The following GCN1 variants were observed in gnomAD, a reference collection of about 807,000 sequenced individuals.
GCN1 encodes the protein stalled ribosome sensor GCN1.
In GCN1, 90 loss-of-function variants were observed where a neutral mutation model predicts 288.4. The observed-to-expected ratio is 0.31, with a 90% CI of 0.26 to 0.37. The LOEUF is 0.37. Ranked by LOEUF, GCN1 falls within the 10% of genes least tolerant of loss-of-function variation. GCN1 has a pLI of 1.00. For missense variants in GCN1, 2,586 were observed against 3,419.9 expected, an observed-to-expected ratio of 0.76 and a Z score of 6.08; for synonymous variants, 1,386 against 1,420.2, an observed-to-expected ratio of 0.98 and a Z score of 0.54.
At chr12:120,140,820 T>G in intron 45 of GCN1, 39 bp downstream of exon 45, 1 of 1,594,150 alleles carries the variant, frequency 6.3e-7, no homozygotes, top group South Asian at 1.1e-5. Flanking sequence ...TCAGGTCGTC[T>G]GCAGTGCACA....
chr12:120,175,541 C>T (rs541043708), intron 11 of GCN1, among the ~76,000 whole-genome samples: 2 of 152,234 alleles, frequency 1.3e-5, no homozygotes, highest in African/African-American at 2.4e-5. Flanking sequence ...ATCTTAAAAA[C>T]AAAAAACCTG....
intron 16 of GCN1, among the ~76,000 whole-genome samples, chr12:120,165,388 T>C (rs1364926449): frequency 6.6e-6 from 1 of 152,158 alleles, no homozygotes; most frequent in African/African-American, 2.4e-5. Context: ...CAGGTTGGAC[T>C]TGAACTCCTG....
chr12:120,159,350 T>C (rs562093575), intron 24 of GCN1, among the ~76,000 whole-genome samples: 3 of 152,304 alleles, frequency 2.0e-5, no homozygotes, highest in Admixed American at 2.0e-4. Context: ...GATAGAAGTC[T>C]GCTGAAGGCC....
chr12:120,143,755 A>G (rs1243698491), intron 42 of GCN1, among the ~76,000 whole-genome samples: 1 of 152,222 alleles, frequency 6.6e-6, no homozygotes, highest in African/African-American at 2.4e-5. Context: ...TAAAATTTTT[A>G]GATTAAAGAG....
At position 120,164,788 on chromosome 12, in the gene GCN1, C is replaced by A. The variant is rs575320810; in HGVS notation, c.1613-67G>T. The A allele has an allele frequency of 8.2e-5, 78 of 945,586 alleles. 2 individuals carry two copies. In the South Asian group the frequency reaches 1.1e-3, roughly 14 times the overall value. The allele number at this position is 945,586 out of a possible 1,614,324, so 58.6% of individuals were successfully genotyped here. A position where few individuals can be genotyped will look rare whatever the true frequency, so the allele number is the denominator to read the frequency against. ...TAAGTGTACACATACATACCAATAC[C>A]CAGAAATAACTGGAATGAACTGAAA... On this transcript the variant is annotated intron_variant, in intron 16 of 57. Transcript: ENST00000300648.
At position 120,174,071 on chromosome 12, in the gene GCN1, C is replaced by A; in HGVS notation, c.1192G>T (p.Val398Phe). Residue 398 changes from valine (V) to phenylalanine (F), a missense_variant and splice_region_variant, in exon 13 of 58, where the codon GTT (valine) becomes TTT (phenylalanine). Val to Phe is a conservative substitution (Grantham distance 50). Around this residue, in one of 8 missense-constraint regions of GCN1, gnomAD observed 913 missense variants for 1,107.0 expected, o/e 0.82. Transcript: ENST00000300648. ...ELFIPFLQQE[V>F]HEGTLVHAVS... Reference sequence around the variant, plus strand: ...TGCTCACCATGTTGCACAGAATTACCTTCCTGCTGAAGGAACGGGATGAAC... The same window carrying A: ...TGCTCACCATGTTGCACAGAATTACATTCCTGCTGAAGGAACGGGATGAAC... The A allele has an allele frequency of 6.4e-7, 1 of 1,566,318 alleles. No individual in the cohort carries two copies. Among genetic ancestry groups the A allele is most frequent in the Non-Finnish European group, 8.8e-7 (1 of 1,136,410 alleles).
rs779522184 is a variant in GCN1 at position 120,173,809 on chromosome 12, C to T, written c.1210G>A (p.Val404Ile). The change falls in exon 14 of 58, where the codon GTA (valine) becomes ATA (isoleucine). Residue 404 changes from valine (V) to isoleucine (I), a missense_variant. Transcript: ENST00000300648. ...AGAGCCAGGACTGAGACAGCGTGTA[C>T]CAAGGTCCCTTCATGAACTAGGGCA... is the stretch of plus-strand genomic sequence containing the variant. ...LQQEVHEGTLVHAVSVLALWC... is the reference protein window; with the variant it reads ...LQQEVHEGTLIHAVSVLALWC... The T allele has an allele frequency of 6.2e-7, 1 of 1,613,922 alleles. No homozygotes were observed. Among genetic ancestry groups the T allele is most frequent in the Non-Finnish European group, 8.5e-7 (1 of 1,179,826 alleles).
intron 2 of GCN1, among the ~76,000 whole-genome samples, chr12:120,187,213 C>CTTTT (rs869025899): frequency 7.4e-6 from 1 of 135,288 alleles, no homozygotes; most frequent in Non-Finnish European, 1.6e-5. Context: ...CCATGATTTT[C>CTTTT]TTTTTTTTTT....
At chr12:120,145,361 G>C (rs1877332044) in intron 38 of GCN1, 31 bp from the exon 39 acceptor site, 1 of 1,505,988 alleles carries the variant, frequency 6.6e-7, no homozygotes, top group Non-Finnish European at 8.9e-7. Flanking sequence ...GCTCAGGTGA[G>C]GCCCGACTCC....
At chr12:120,173,057 CTTTT>C (rs963596285) in intron 14 of GCN1, among the ~76,000 whole-genome samples, 2 of 130,314 alleles carry the variant, frequency 1.5e-5, no homozygotes, top group South Asian at 2.5e-4. Context: ...TTAAACCAGT[CTTTT>C]TTTTTTTTTT....
At position 120,138,069 on chromosome 12, in the gene GCN1, C is replaced by T. The variant is rs377765069; in HGVS notation, c.6250-25G>A. ...GCTGGTGGAATGACAAACATTAACT[C>T]AGTGAATACTGTGCCAGGTGCTGCG... On this transcript the variant is annotated intron_variant, in intron 47 of 57. Coordinates refer to ENST00000300648, the MANE Select transcript of GCN1 (RefSeq NM_006836.2). 2.5e-6 allele frequency: 4 copies of T among 1,595,990 alleles called. No individual in the cohort carries two copies. The Admixed American group carries it at 5.2e-5, about 21-fold the overall frequency.
intron 16 of GCN1, among the ~76,000 whole-genome samples, chr12:120,165,899 C>T (rs1878107109): frequency 1.3e-5 from 2 of 152,058 alleles, no homozygotes; most frequent in South Asian, 4.1e-4. Flanking sequence ...TCAAGAGATT[C>T]TCCTGCCTCA....
At chr12:120,162,120 C>T (rs1419215356) in intron 20 of GCN1, 62 bp from the exon 21 acceptor site, 2 of 1,395,404 alleles carry the variant, frequency 1.4e-6, no homozygotes, top group East Asian at 2.3e-5. Flanking sequence ...AGAGGTCCAC[C>T]ACACCTGAAT....
chr12:120,169,425 ATAAG>A (rs1469972917), intron 15 of GCN1, among the ~76,000 whole-genome samples: 2 of 149,164 alleles, frequency 1.3e-5, no homozygotes, highest in Admixed American at 6.7e-5. Context: ...ATTATATATT[ATAAG>A]TAATATGGCA....
rs757344012 is a variant in GCN1 at position 120,160,003 on chromosome 12, C to T, written c.2571G>A (p.Ala857=). The change falls in exon 24 of 58, where the codon GCG becomes GCA. Residue 857 remains alanine, a synonymous_variant. Coordinates refer to ENST00000300648, the MANE Select transcript of GCN1 (RefSeq NM_006836.2). ...GGATGATGTCCAGCAGTCCAAGCGC[C>T]GCCTCCAGCTCCCCATCCAGCTGCA... The part of the protein sequence containing the change: ...RLQELDGELE[A]ALGLLDIILA... The T allele has an allele frequency of 6.1e-5, 98 of 1,614,010 alleles. No homozygotes were observed. In the South Asian group the frequency reaches 6.5e-4, roughly 11 times the overall value.
At position 120,190,382 on chromosome 12, in the gene GCN1, G is replaced by A. The variant is rs1191801920; in HGVS notation, c.37C>T (p.Arg13Cys). 5.0e-6 allele frequency: 8 copies of A among 1,602,362 alleles called. No homozygotes were observed. Among genetic ancestry groups the A allele is most frequent in the African/African-American group, 2.7e-5 (2 of 74,610 alleles). The change falls in exon 2 of 58, where the codon CGT becomes TGT. Residue 13 changes from arginine to cysteine, a missense_variant. This residue lies in a region of GCN1 where 913 missense variants were observed against 1,107.0 expected (regional missense o/e 0.82). Coordinates refer to ENST00000300648, the MANE Select transcript of GCN1 (RefSeq NM_006836.2). ...GCTGTTGTCACCTTCCCTGCAAAAC[G>A]CTTTAGTGTCTCGGAAACCTGTGAA... The part of the protein sequence containing the change: ...ADTQVSETLK[R>C]FAGKVTTASV...
At chr12:120,145,150 C>T in intron 39 of GCN1, 89 bp from the exon 40 acceptor site, 1 of 1,569,654 alleles carries the variant, frequency 6.4e-7, no homozygotes, top group Non-Finnish European at 8.8e-7. Context: ...CACCGAGGGC[C>T]TCTTTCTCTT....
intron 4 of GCN1, 63 bp from the exon 5 acceptor site, chr12:120,183,740 C>T: frequency 1.1e-6 from 1 of 944,084 alleles, no homozygotes; most frequent in Admixed American, 1.7e-5. Flanking sequence ...CGAACACTGT[C>T]CCTAAGGCCC....
chr12:120,174,305 T>G, intron 12 of GCN1, 136 bp from the exon 13 acceptor site: 1 of 623,970 alleles, frequency 1.6e-6, no homozygotes. Flanking sequence ...CCTTTGGCCA[T>G]TATTGATCTT....
Sources: allele counts gnomAD v4.1 joint callset (sites outside exome capture counted in the v4.1 genomes callset), GRCh38; gene constraint gnomAD v4.1.1; regional missense constraint gnomAD v4.1.1; transcripts MANE v1.5; gene names NCBI Gene and HGNC (gene_info 2026-07-23, HGNC 2026-07-21).